Variants in C9 observed in about 807,000 individuals in gnomAD.
C9 encodes complement C9, also known as complement component C9.
A neutral mutation model predicts 65.4 loss-of-function variants in C9; 63 were observed. The observed-to-expected ratio is 0.96, with a 90% CI of 0.79 to 1.19. C9 has a LOEUF of 1.19. C9 is among the 50% of genes most tolerant of loss of function. The pLI is 0.00. For synonymous variants in C9, 229 were observed against 227.9 expected (o/e 1.00, Z -0.04); for missense variants, 744 against 670.1 (o/e 1.11, Z -1.22).
chr5:39,346,164 T>A (rs1226703948), intron 1 of C9, among the ~76,000 whole-genome samples: 1 of 151,972 alleles, frequency 6.6e-6, no homozygotes, highest in Admixed American at 6.6e-5. Context: ...AAGAAATAAC[T>A]AAGATCAGAG....
chr5:39,306,809 GA>G lies in C9; in HGVS notation c.1241-18del. On this transcript the variant is annotated intron_variant, in intron 8 of 10. Coordinates refer to ENST00000263408, the MANE Select transcript of C9 (RefSeq NM_001737.5). ...TGATGTTTACTGAGGAGAGAAGGAA[GA>G]TTTAAAGAGAAGCAGAAGAAGTTTA... 6.3e-7 allele frequency: 1 copy of G among 1,584,054 alleles called. No homozygotes were observed. The highest frequency in any genetic ancestry group is 1.1e-5 in the South Asian group (1 of 90,442).
intron 9 of C9, among the ~76,000 whole-genome samples, chr5:39,295,821 G>C (rs1361004905): frequency 6.6e-6 from 1 of 151,672 alleles, no homozygotes; most frequent in Non-Finnish European, 1.5e-5. Context: ...GCATTGTACT[G>C]CCATAAAAAC....
chr5:39,311,990 C>T (rs1053871681), intron 6 of C9, among the ~76,000 whole-genome samples: 1 of 152,012 alleles, frequency 6.6e-6, no homozygotes, highest in Non-Finnish European at 1.5e-5. Flanking sequence ...CAAAACTAAG[C>T]TGTGGTCAGA....
intron 1 of C9, among the ~76,000 whole-genome samples, chr5:39,352,646 T>A (rs1754341781): frequency 6.6e-6 from 1 of 152,194 alleles, no homozygotes; most frequent in South Asian, 2.1e-4. Flanking sequence ...TCCATTCTCT[T>A]CATCTCTTTC....
chr5:39,291,415 G>C (rs190468310), intron 9 of C9, among the ~76,000 whole-genome samples: 2 of 151,786 alleles, frequency 1.3e-5, no homozygotes, highest in East Asian at 3.9e-4. Context: ...TACAGAAAGA[G>C]GGAAGGAAAC....
At chr5:39,355,639 CA>C (rs1396235432) in intron 1 of C9, among the ~76,000 whole-genome samples, 1 of 152,202 alleles carries the variant, frequency 6.6e-6, no homozygotes, top group African/African-American at 2.4e-5. Flanking sequence ...CTAGGACTTA[CA>C]TTCTCTGGAT....
At position 39,311,391 on chromosome 5, in the gene C9, C is replaced by A. The variant is rs368590247; in HGVS notation, c.871-14G>T. Reference sequence around the variant, plus strand: ...AAACATTTTTTCCTGTGTTGTAGAGCAGATGAAGAAGAGAAACATGTGTTT... The same window carrying A: ...AAACATTTTTTCCTGTGTTGTAGAGAAGATGAAGAAGAGAAACATGTGTTT... On this transcript the variant is annotated splice_polypyrimidine_tract_variant and intron_variant, in intron 6 of 10. Transcript: ENST00000263408. 11 of 1,609,308 alleles carry A rather than the reference C, an allele frequency of 6.8e-6. No individual in the cohort carries two copies. Among genetic ancestry groups the A allele is most frequent in the African/African-American group, 5.3e-5 (4 of 74,822 alleles).
chr5:39,355,599 G>C (rs766532318), intron 1 of C9, among the ~76,000 whole-genome samples: 3 of 152,104 alleles, frequency 2.0e-5, no homozygotes, highest in Non-Finnish European at 2.9e-5. Flanking sequence ...CCATAGGAAG[G>C]TTCTTACATA....
chr5:39,313,011 T>A (rs192221060), intron 6 of C9, among the ~76,000 whole-genome samples: 6 of 152,226 alleles, frequency 3.9e-5, no homozygotes, highest in African/African-American at 1.4e-4. Flanking sequence ...TTCTTTTCAG[T>A]TTTGCTAAAA....
intron 5 of C9, among the ~76,000 whole-genome samples, chr5:39,317,717 C>T (rs1424222998): frequency 6.6e-6 from 1 of 152,150 alleles, no homozygotes; most frequent in East Asian, 1.9e-4. Context: ...TGTTTTTGCA[C>T]CAGTACCATG....
intron 9 of C9, among the ~76,000 whole-genome samples, chr5:39,297,050 A>G (rs1753197262): frequency 6.6e-6 from 1 of 151,620 alleles, no homozygotes; most frequent in Non-Finnish European, 1.5e-5. Flanking sequence ...ACAACATTAC[A>G]ACTACATAGG....
At chr5:39,297,118 GTTA>G (rs1294009645) in intron 9 of C9, among the ~76,000 whole-genome samples, 3 of 151,512 alleles carry the variant, frequency 2.0e-5, no homozygotes, top group African/African-American at 7.3e-5. Context: ...ATAATTATGT[GTTA>G]TTATACATAG....
chr5:39,353,280 C>G (rs1479509535), intron 1 of C9, among the ~76,000 whole-genome samples: 1 of 152,178 alleles, frequency 6.6e-6, no homozygotes, highest in African/African-American at 2.4e-5. Flanking sequence ...ACTTCTAGAT[C>G]TGTTAAATAA....
Position 39,288,879 on chromosome 5 carries a change from C to T in C9, c.1489G>A (p.Ala497Thr). The change falls in exon 10 of 11, where the codon GCC becomes ACC. Residue 497 changes from alanine to threonine, a missense_variant. Physicochemically the swap from Ala to Thr is moderately conservative, Grantham distance 58. Transcript: ENST00000263408. ...AATTCATTGATATAGTCTTCAATGG[C>T]TCTTTCCAAGTTTTGTTTCTTTAGG... ...AHLKKQNLERAIEDYINEFSV... is the reference protein window; with the variant it reads ...AHLKKQNLERTIEDYINEFSV... 3 of 1,611,164 alleles carry T rather than the reference C, an allele frequency of 1.9e-6. No individual in the cohort carries two copies. The highest frequency in any genetic ancestry group is 2.5e-6 in the Non-Finnish European group (3 of 1,177,798).
At chr5:39,334,548 C>A (rs548946772) in intron 4 of C9, among the ~76,000 whole-genome samples, 4 of 141,070 alleles carry the variant, frequency 2.8e-5, no homozygotes, top group Non-Finnish European at 5.9e-5. Flanking sequence ...AGGCCAGCCG[C>A]CCCGTCCGGG....
intron 1 of C9, among the ~76,000 whole-genome samples, chr5:39,356,882 T>A (rs1243936507): frequency 6.6e-6 from 1 of 152,234 alleles, no homozygotes; most frequent in Non-Finnish European, 1.5e-5. Context: ...CCTATTACCC[T>A]GCTGTGCTAT....
chr5:39,332,607 G>A (rs912508509), intron 4 of C9, among the ~76,000 whole-genome samples: 1 of 152,188 alleles, frequency 6.6e-6, no homozygotes, highest in Admixed American at 6.5e-5. Flanking sequence ...TTGCTGTCTA[G>A]GCTGTATCTG....
At chr5:39,352,918 T>C (rs1561355533) in intron 1 of C9, among the ~76,000 whole-genome samples, 1 of 152,096 alleles carries the variant, frequency 6.6e-6, no homozygotes, top group Non-Finnish European at 1.5e-5. Flanking sequence ...TGCTGGTACC[T>C]GTGAATATGT....
chr5:39,284,170 A>G lies in C9; in HGVS notation c.*1029T>C, dbSNP rs914304887. The stretch of plus-strand genomic sequence containing the variant: ...TTATAAATGTGTGAAATGTTTATTA[A>G]TAGTAACAATAAAGTTAACATGATA... On this transcript the variant is annotated 3_prime_UTR_variant, in exon 11 of 11. Coordinates refer to ENST00000263408, the MANE Select transcript of C9 (RefSeq NM_001737.5). 1 of 152,202 alleles carries G rather than the reference A, an allele frequency of 6.6e-6. No individual in the cohort carries two copies. The highest frequency in any genetic ancestry group is 2.4e-5 in the African/African-American group (1 of 41,448). 9.4% of individuals were successfully genotyped at this position (152,202 alleles called of 1,614,324 possible).
Sources: gnomAD v4.1 joint callset for allele counts (sites outside exome capture counted in the v4.1 genomes callset) on GRCh38, gnomAD v4.1.1 for gene constraint, MANE v1.5 for transcripts, NCBI Gene and HGNC (gene_info 2026-07-23, HGNC 2026-07-21) for gene names.